Variants in COA1 observed in about 807,000 individuals in gnomAD.
The protein encoded by COA1 is cytochrome c oxidase assembly factor 1.
COA1 carries 13 observed loss-of-function variants against 16.0 expected under a neutral mutation model. The observed-to-expected ratio is 0.81, with a 90% CI of 0.53 to 1.29. COA1 has a LOEUF of 1.29. Among genes scored for constraint, COA1 ranks in the 50% most tolerant of loss-of-function variants. The pLI is 0.00. For missense variants in COA1, 179 were observed against 177.0 expected, an observed-to-expected ratio of 1.01 and a Z score of -0.06; for synonymous variants, 65 against 65.7, an observed-to-expected ratio of 0.99 and a Z score of 0.05.
intron 1 of COA1, among the ~76,000 whole-genome samples, chr7:43,677,375 C>T (rs760209763): frequency 2.6e-5 from 4 of 152,082 alleles, no homozygotes; most frequent in Non-Finnish European, 5.9e-5. Flanking sequence ...GGTGTATGAA[C>T]TTATTTAATG....
At chr7:43,651,629 G>A (rs1288318139) in intron 1 of COA1, among the ~76,000 whole-genome samples, 1 of 150,010 alleles carries the variant, frequency 6.7e-6, no homozygotes, top group Non-Finnish European at 1.5e-5. Flanking sequence ...AGGCAAGGGT[G>A]GAAGCAGGAA....
chr7:43,651,689 T>TAAAAA (rs539990413), intron 1 of COA1, among the ~76,000 whole-genome samples: 4 of 107,182 alleles, frequency 3.7e-5, no homozygotes, highest in Admixed American at 1.9e-4. Context: ...AGGAAGAGCT[T>TAAAAA]AAAAAAAAAA....
At chr7:43,650,979 TG>T (rs1046800202) in intron 1 of COA1, among the ~76,000 whole-genome samples, 2 of 151,930 alleles carry the variant, frequency 1.3e-5, no homozygotes, top group Non-Finnish European at 2.9e-5. Flanking sequence ...CAGGGGTCAG[TG>T]GGGGGCAGCA....
chr7:43,638,436 T>G (rs2086270385), downstream of COA1, among the ~76,000 whole-genome samples: 1 of 152,184 alleles, frequency 6.6e-6, no homozygotes, highest in Admixed American at 6.5e-5. Context: ...TTATAATATG[T>G]TTCCTTATAA....
chr7:43,721,365 T>G (rs535918531), intron 1 of COA1, among the ~76,000 whole-genome samples: 2 of 152,322 alleles, frequency 1.3e-5, no homozygotes, highest in South Asian at 4.1e-4. Context: ...AAAGCCACAA[T>G]CTTTATTAGT....
chr7:43,719,213 CCAGCT>C (rs1021607002), intron 1 of COA1, among the ~76,000 whole-genome samples: 7 of 152,086 alleles, frequency 4.6e-5, no homozygotes, highest in African/African-American at 1.7e-4. Flanking sequence ...AGTGATCTGC[CCAGCT>C]CAGCCACCCA....
chr7:43,656,682 G>C (rs566312607), intron 1 of COA1, among the ~76,000 whole-genome samples: 1 of 152,180 alleles, frequency 6.6e-6, no homozygotes, highest in East Asian at 1.9e-4. Flanking sequence ...GCTACAGAGC[G>C]AGATTCCATC....
rs1243144410 is a variant in COA1 at position 43,623,566 on chromosome 7, T to TA, written c.*134-14072dup. 10 of 1,608,004 alleles carry TA rather than the reference T, an allele frequency of 6.2e-6. No individual in the cohort carries two copies. The Admixed American group carries it at 8.4e-5, about 14-fold the overall frequency. ...ACTAAATGTTTTCTTCTCTTTCTGA[T>TA]ACTAGCTCCTGAAATTCTTAGTTAT... On this transcript the variant is annotated intron_variant and NMD_transcript_variant, in intron 6 of 6. Coordinates refer to the COA1 transcript ENST00000415076.
intron 4 of COA1, 177 bp from the exon 5 acceptor site, chr7:43,640,826 C>T: frequency 1.8e-6 from 1 of 541,548 alleles, no homozygotes; most frequent in South Asian, 2.6e-5. Context: ...AAATGTCCTG[C>T]CCCTCTTTGG....
chr7:43,615,220 G>T (rs1289475013), intron 6 of COA1, among the ~76,000 whole-genome samples: 3 of 152,180 alleles, frequency 2.0e-5, no homozygotes, highest in African/African-American at 7.2e-5. Flanking sequence ...CTGTTACCCA[G>T]ATTGGAGTGC....
intron 1 of COA1, among the ~76,000 whole-genome samples, chr7:43,705,526 C>T (rs2094935255): frequency 6.6e-6 from 1 of 152,208 alleles, no homozygotes; most frequent in Admixed American, 6.5e-5. Context: ...TAACAGAGGC[C>T]AGCAACGGGC....
At chr7:43,684,325 G>A (rs560940173) in intron 1 of COA1, among the ~76,000 whole-genome samples, 17 of 152,262 alleles carry the variant, frequency 1.1e-4, no homozygotes, top group South Asian at 6.2e-4. Context: ...CTGTGCGGCC[G>A]GGAGTGGGTG....
chr7:43,659,499 G>A (rs896504243), intron 1 of COA1, among the ~76,000 whole-genome samples: 2 of 152,148 alleles, frequency 1.3e-5, no homozygotes, highest in Admixed American at 6.5e-5. Context: ...AAAACTTCAT[G>A]GAATGGACTC....
intron 1 of COA1, among the ~76,000 whole-genome samples, chr7:43,691,024 C>G (rs1057422363): frequency 7.2e-6 from 1 of 138,368 alleles, no homozygotes; most frequent in Non-Finnish European, 1.5e-5. Flanking sequence ...TAAAGACCAG[C>G]CTGGGCAATA....
intron 3 of COA1, 48 bp downstream of exon 3, chr7:43,647,487 A>T (rs748203303): frequency 8.3e-7 from 1 of 1,199,926 alleles, no homozygotes; most frequent in Admixed American, 1.7e-5. Flanking sequence ...GAGGAGCAGG[A>T]GCAGGCTAGG....
intron 1 of COA1, among the ~76,000 whole-genome samples, chr7:43,688,624 T>G (rs756758547): frequency 6.6e-6 from 1 of 151,898 alleles, no homozygotes; most frequent in South Asian, 2.1e-4. Context: ...AGAAAGTGAA[T>G]GTATCCTCAT....
intron 1 of COA1, among the ~76,000 whole-genome samples, chr7:43,705,441 C>T (rs554046447): frequency 6.6e-6 from 1 of 152,272 alleles, no homozygotes; most frequent in African/African-American, 2.4e-5. Flanking sequence ...GGTCTTATGG[C>T]AAAAAGCTAT....
At chr7:43,683,515 T>A (rs1028301867) in intron 1 of COA1, among the ~76,000 whole-genome samples, 5 of 152,002 alleles carry the variant, frequency 3.3e-5, no homozygotes, top group African/African-American at 7.3e-5. Context: ...GCACCTGTAG[T>A]CCCAGCTACT....
chr7:43,650,271 A>G (rs1273155661), intron 1 of COA1: 1 of 152,244 alleles, frequency 6.6e-6, no homozygotes, highest in Non-Finnish European at 1.5e-5. Context: ...GCTAAGACCA[A>G]GGTAGCAAGT....
Sources: gnomAD v4.1 joint callset for allele counts (sites outside exome capture counted in the v4.1 genomes callset) on GRCh38, gnomAD v4.1.1 for gene constraint, MANE v1.5 for transcripts, NCBI Gene and HGNC (gene_info 2026-07-23, HGNC 2026-07-21) for gene names.